ZFAND3: variants seen among roughly 807,000 people sequenced by gnomAD.
The protein encoded by ZFAND3 is AN1-type zinc finger protein 3.
In ZFAND3, 10 loss-of-function variants were observed where a neutral mutation model predicts 29.6. The observed-to-expected ratio is 0.34, with a 90% CI of 0.21 to 0.57. The LOEUF (loss-of-function observed/expected upper bound fraction) is 0.57, where lower values mean the gene tolerates loss of function less well. Among genes scored for constraint, ZFAND3 ranks in the 20% least tolerant of loss-of-function variants. The pLI is 0.86. For missense variants in ZFAND3, 230 were observed against 304.5 expected, an observed-to-expected ratio of 0.76 and a Z score of 1.82; for synonymous variants, 128 against 112.6, an observed-to-expected ratio of 1.14 and a Z score of -0.87.
intron 1 of ZFAND3, among the ~76,000 whole-genome samples, chr6:37,925,943 A>T (rs1431938875): frequency 6.6e-6 from 1 of 152,218 alleles, no homozygotes; most frequent in Non-Finnish European, 1.5e-5. Flanking sequence ...TCTTTCGTGT[A>T]TAGATACAGT....
chr6:38,052,371 G>A (rs572723761), intron 2 of ZFAND3, among the ~76,000 whole-genome samples: 1 of 152,236 alleles, frequency 6.6e-6, no homozygotes, highest in South Asian at 2.1e-4. Flanking sequence ...TTGACAGGGT[G>A]CTTAATATTT....
intron 2 of ZFAND3, among the ~76,000 whole-genome samples, chr6:38,050,287 C>A (rs1366354710): frequency 6.6e-6 from 1 of 151,866 alleles, no homozygotes; most frequent in Admixed American, 6.6e-5. Flanking sequence ...TTCTTTTTCC[C>A]CTTCTAGAGA....
chr6:37,845,189 A>G (rs1039015523), intron 1 of ZFAND3, among the ~76,000 whole-genome samples: 1 of 152,196 alleles, frequency 6.6e-6, no homozygotes, highest in Non-Finnish European at 1.5e-5. Flanking sequence ...GGAGTAGCAC[A>G]GAGCTTGGGG....
chr6:37,840,878 A>G (rs1764060709), intron 1 of ZFAND3, among the ~76,000 whole-genome samples: 1 of 152,228 alleles, frequency 6.6e-6, no homozygotes, highest in African/African-American at 2.4e-5. Flanking sequence ...CAGAAAAGAG[A>G]ACATTTGGTT....
At chr6:37,913,977 A>G (rs1348512977) in intron 1 of ZFAND3, among the ~76,000 whole-genome samples, 1 of 151,816 alleles carries the variant, frequency 6.6e-6, no homozygotes, top group Non-Finnish European at 1.5e-5. Context: ...TGCTCACCTC[A>G]GCCTCCCGAA....
intron 2 of ZFAND3, among the ~76,000 whole-genome samples, chr6:38,044,027 A>G (rs1378682749): frequency 1.3e-5 from 2 of 152,196 alleles, no homozygotes; most frequent in Non-Finnish European, 2.9e-5. Flanking sequence ...CACAATAAAA[A>G]AAATTCTGGG....
chr6:37,940,603 C>T (rs1348022097), intron 2 of ZFAND3, among the ~76,000 whole-genome samples: 1 of 152,016 alleles, frequency 6.6e-6, no homozygotes, highest in Non-Finnish European at 1.5e-5. Context: ...GCAGGCTGTA[C>T]AGGAAGCATA....
intron 2 of ZFAND3, among the ~76,000 whole-genome samples, chr6:37,959,529 C>T (rs1762157832): frequency 6.6e-6 from 1 of 151,980 alleles, no homozygotes; most frequent in Non-Finnish European, 1.5e-5. Context: ...TGTTGCTTTA[C>T]TGAATGTCAG....
chr6:38,098,874 C>CAT (rs774176066), intron 4 of ZFAND3, among the ~76,000 whole-genome samples: 5 of 151,964 alleles, frequency 3.3e-5, no homozygotes, highest in East Asian at 1.9e-4. Flanking sequence ...GTCTTCAATA[C>CAT]ATATATATAT....
intron 2 of ZFAND3, among the ~76,000 whole-genome samples, chr6:37,955,635 G>C (rs1314274735): frequency 1.1e-4 from 16 of 152,142 alleles, no homozygotes; most frequent in Admixed American, 1.0e-3. Flanking sequence ...AAACCACTTA[G>C]GCTCTGAAAT....
At chr6:37,884,136 A>T (rs1764946973) in intron 1 of ZFAND3, among the ~76,000 whole-genome samples, 1 of 145,400 alleles carries the variant, frequency 6.9e-6, no homozygotes, top group Admixed American at 6.7e-5. Flanking sequence ...GTTTGAGTCT[A>T]ATCAGGGCTT....
chr6:38,006,046 A>G lies in ZFAND3; in HGVS notation c.113-55547A>G, dbSNP rs549324930. Among the ~76,000 whole-genome samples, 29 of 152,336 alleles carry G rather than the reference A, an allele frequency of 1.9e-4. No individual in the cohort carries two copies. In the South Asian group the frequency reaches 5.4e-3, roughly 28 times the overall value. ...GCTGACTTCAGCAACTCTTCTCTGCATGGTGTGTCTCTGAGACTTACATTG... is the reference window on the plus strand; with the variant it reads ...GCTGACTTCAGCAACTCTTCTCTGCGTGGTGTGTCTCTGAGACTTACATTG... On this transcript the variant is annotated intron_variant, in intron 2 of 5. Transcript: ENST00000287218.
At chr6:38,114,994 A>G (rs558333657) in intron 4 of ZFAND3, among the ~76,000 whole-genome samples, 6 of 152,240 alleles carry the variant, frequency 3.9e-5, no homozygotes, top group Non-Finnish European at 8.8e-5. Context: ...TGCTAAGAAT[A>G]GGGATTCAGT....
chr6:37,836,532 C>G (rs948453471), intron 1 of ZFAND3, among the ~76,000 whole-genome samples: 14 of 152,172 alleles, frequency 9.2e-5, no homozygotes, highest in African/African-American at 3.4e-4. Context: ...ATTGAGACAT[C>G]TCTGCTCCTT....
intron 1 of ZFAND3, among the ~76,000 whole-genome samples, chr6:37,888,606 C>T (rs1339640305): frequency 2.0e-5 from 3 of 152,008 alleles, no homozygotes; most frequent in East Asian, 1.9e-4. Context: ...GACAGGAGAC[C>T]GAAATCCCAT....
intron 3 of ZFAND3, among the ~76,000 whole-genome samples, chr6:38,074,559 A>G (rs1440727024): frequency 6.6e-6 from 1 of 152,238 alleles, no homozygotes; most frequent in Non-Finnish European, 1.5e-5. Context: ...AGGTTGGTTC[A>G]TGAGGCTAAG....
intron 2 of ZFAND3, among the ~76,000 whole-genome samples, chr6:38,025,999 A>C (rs1398858584): frequency 2.0e-5 from 3 of 152,206 alleles, no homozygotes; most frequent in Non-Finnish European, 4.4e-5. Context: ...TCTGCCTAAA[A>C]CTATTGAACT....
At chr6:37,897,127 G>A (rs1358757058) in intron 1 of ZFAND3, among the ~76,000 whole-genome samples, 6 of 152,012 alleles carry the variant, frequency 3.9e-5, no homozygotes, top group African/African-American at 1.5e-4. Flanking sequence ...GTCTATATTT[G>A]TGTAATCAAC....
At chr6:38,004,409 CTTTTT>C (rs1173545775) in intron 2 of ZFAND3, among the ~76,000 whole-genome samples, 3 of 151,582 alleles carry the variant, frequency 2.0e-5, no homozygotes, top group African/African-American at 7.3e-5. Context: ...TTTTTCTTTT[CTTTTT>C]TCTTTCTTTC....
Sources: gnomAD v4.1 joint callset for allele counts (sites outside exome capture counted in the v4.1 genomes callset) on GRCh38, gnomAD v4.1.1 for gene constraint, MANE v1.5 for transcripts, NCBI Gene and HGNC (gene_info 2026-07-23, HGNC 2026-07-21) for gene names.